The following PXDNL variants were observed in gnomAD, a reference collection of about 807,000 sequenced individuals.
PXDNL encodes the protein probable oxidoreductase PXDNL.
In PXDNL, 145 loss-of-function variants were observed where a neutral mutation model predicts 150.8. The ratio of observed to expected loss-of-function variants is 0.96; its 90% CI spans 0.84 to 1.10. PXDNL has a LOEUF of 1.10. Ranked by LOEUF, PXDNL falls within the 50% of genes least tolerant of loss-of-function variation. The probability of loss-of-function intolerance (pLI) is 0.00; values close to 1 mark genes in which losing one functional copy is unlikely to be tolerated. For synonymous variants in PXDNL, 757 were observed against 725.7 expected (o/e 1.04, Z -0.69); for missense variants, 2,087 against 1,873.9 (o/e 1.11, Z -2.10).
chr8:51,506,800 C>T (rs745926074), intron 4 of PXDNL, among the ~76,000 whole-genome samples: 7 of 152,114 alleles, frequency 4.6e-5, no homozygotes, highest in Non-Finnish European at 1.0e-4. Context: ...TAAGGATCAT[C>T]AATGTCTTCT....
At position 51,608,560 on chromosome 8, in the gene PXDNL, G is replaced by A. The variant is rs145766926; in HGVS notation, c.237-15862C>T. ...AGGTAAAGAGAAAGTATTGCAGGCCGGGCGCGGTGGCTCACGCCTGTAATC... is the reference window on the plus strand; with the variant it reads ...AGGTAAAGAGAAAGTATTGCAGGCCAGGCGCGGTGGCTCACGCCTGTAATC... On this transcript the variant is annotated intron_variant, in intron 2 of 22. Coordinates refer to ENST00000356297, the MANE Select transcript of PXDNL (RefSeq NM_144651.5). 8.8e-4 allele frequency among the ~76,000 whole-genome samples: 131 copies of A among 148,172 alleles called. 16 individuals are homozygous for A. The highest frequency in any genetic ancestry group is 3.2e-3 in the African/African-American group (124 of 38,732).
intron 6 of PXDNL, among the ~76,000 whole-genome samples, chr8:51,483,099 C>G (rs1288673246): frequency 5.9e-5 from 9 of 152,128 alleles, no homozygotes; most frequent in Non-Finnish European, 1.0e-4. Flanking sequence ...GAAGAGACAG[C>G]TGGAATGCAG....
chr8:51,499,869 ACTG>A, intron 4 of PXDNL, 99 bp from the exon 5 acceptor site: 2 of 777,596 alleles, frequency 2.6e-6, no homozygotes, highest in Non-Finnish European at 4.6e-6. Context: ...TATGAATTTC[ACTG>A]GCCCCAACCA....
chr8:51,401,795 T>C (rs1226133372), intron 17 of PXDNL, among the ~76,000 whole-genome samples: 1 of 152,214 alleles, frequency 6.6e-6, no homozygotes, highest in Non-Finnish European at 1.5e-5. Flanking sequence ...TCATAGATTC[T>C]ACTAGATTTG....
Position 51,666,821 on chromosome 8 carries a change from A to G in PXDNL, c.165-12061T>C, listed in dbSNP as rs189523699. 2.0e-5 allele frequency among the ~76,000 whole-genome samples: 3 copies of G among 151,982 alleles called. No individual in the cohort carries two copies. In the East Asian group the frequency reaches 5.8e-4, roughly 29 times the overall value. On this transcript the variant is annotated intron_variant, in intron 1 of 22. Transcript: ENST00000356297. Reference sequence around the variant, plus strand: ...CCCCTCTTGCATGCAGCTGTGGGGGATTTTTGTAGGAAAGCAAACTATGTT... The same window carrying G: ...CCCCTCTTGCATGCAGCTGTGGGGGGTTTTTGTAGGAAAGCAAACTATGTT...
chr8:51,345,802 G>T (rs754557711), intron 20 of PXDNL, 31 bp downstream of exon 20: 8 of 1,342,168 alleles, frequency 6.0e-6, no homozygotes, highest in African/African-American at 5.8e-5. Context: ...ATAGTAAGTT[G>T]CCTAAAGAAA....
intron 1 of PXDNL, among the ~76,000 whole-genome samples, chr8:51,660,035 G>T (rs28478150): frequency 6.6e-6 from 1 of 151,636 alleles, no homozygotes; most frequent in South Asian, 2.1e-4. Flanking sequence ...GATTGCAGGC[G>T]CCCACCACCA....
At position 51,567,560 on chromosome 8, in the gene PXDNL, C is replaced by G. The variant is rs1407568871; in HGVS notation, c.309-10649G>C. On this transcript the variant is annotated intron_variant, in intron 3 of 22. Transcript: ENST00000356297. ...CTTTTTGTTTTTGTCCTTAAGTCTGCTTTATCTGAAATTAATATAGCTATT... is the reference window on the plus strand; with the variant it reads ...CTTTTTGTTTTTGTCCTTAAGTCTGGTTTATCTGAAATTAATATAGCTATT... 2.0e-5 allele frequency among the ~76,000 whole-genome samples: 3 copies of G among 151,762 alleles called. No individual in the cohort carries two copies. The East Asian group carries it at 5.8e-4, about 29-fold the overall frequency.
At chr8:51,781,709 A>C (rs1442414796) in intron 1 of PXDNL, among the ~76,000 whole-genome samples, 1 of 152,198 alleles carries the variant, frequency 6.6e-6, no homozygotes, top group Non-Finnish European at 1.5e-5. Flanking sequence ...ACAGGGGAGA[A>C]ACAGGGTGGT....
At chr8:51,680,952 G>A (rs763417046) in intron 1 of PXDNL, among the ~76,000 whole-genome samples, 9 of 150,082 alleles carry the variant, frequency 6.0e-5, no homozygotes, top group Non-Finnish European at 8.9e-5. Flanking sequence ...GAAGACCAGG[G>A]TTTTGGGATT....
intron 12 of PXDNL, among the ~76,000 whole-genome samples, chr8:51,440,636 T>A (rs543840586): frequency 3.9e-5 from 6 of 152,174 alleles, no homozygotes; most frequent in Non-Finnish European, 7.3e-5. Context: ...AATATTTACC[T>A]TCTGCTTACA....
At chr8:51,733,346 T>C (rs1438587345) in intron 1 of PXDNL, among the ~76,000 whole-genome samples, 1 of 152,208 alleles carries the variant, frequency 6.6e-6, no homozygotes, top group Non-Finnish European at 1.5e-5. Flanking sequence ...GTGTTCTCAC[T>C]TGGTGGATTT....
chr8:51,499,383 G>A (rs1285081818), intron 5 of PXDNL, among the ~76,000 whole-genome samples: 15 of 152,046 alleles, frequency 9.9e-5, no homozygotes, highest in South Asian at 2.1e-4. Flanking sequence ...CGCCCACCTC[G>A]GCCTCCCAAA....
intron 5 of PXDNL, among the ~76,000 whole-genome samples, chr8:51,492,687 A>G (rs117713613): frequency 0.042 from 6,416 of 152,228 alleles, 295 homozygotes; most frequent in East Asian, 0.25. Flanking sequence ...TCTCATTGCT[A>G]GCACAGCAGT....
intron 5 of PXDNL, among the ~76,000 whole-genome samples, chr8:51,493,353 G>T (rs1194753673): frequency 6.6e-6 from 1 of 152,136 alleles, no homozygotes; most frequent in African/African-American, 2.4e-5. Flanking sequence ...CACAAAAACT[G>T]GAAACTCTAA....
In PXDNL at chr8:51,581,988, G is replaced by C. The variant is rs566680257; in HGVS notation, c.308+10639C>G. 3.8e-4 allele frequency among the ~76,000 whole-genome samples: 58 copies of C among 151,978 alleles called. 1 individual carries two copies. The South Asian group carries it at 4.2e-3, about 11-fold the overall frequency. On this transcript the variant is annotated intron_variant, in intron 3 of 22. Transcript: ENST00000356297. ...CATGGAACACATGGGAATATATTAG[G>C]ATTTTTTTAAAGCAGGCTACAAAAT...
At chr8:51,651,723 C>T (rs1254540232) in intron 2 of PXDNL, among the ~76,000 whole-genome samples, 2 of 152,126 alleles carry the variant, frequency 1.3e-5, no homozygotes, top group Non-Finnish European at 2.9e-5. Context: ...CTCCAGGGCT[C>T]AATCATCTTT....
chr8:51,372,637 G>A (rs368069383), intron 18 of PXDNL, among the ~76,000 whole-genome samples: 193 of 152,262 alleles, frequency 1.3e-3, no homozygotes, highest in African/African-American at 4.1e-3. Flanking sequence ...TGCCCACCTC[G>A]GCCTCCCAAA....
intron 12 of PXDNL, among the ~76,000 whole-genome samples, chr8:51,434,194 CT>C (rs560011058): frequency 1.9e-3 from 290 of 152,272 alleles, no homozygotes; most frequent in African/African-American, 5.3e-3. Context: ...TGTCGAAACA[CT>C]TTGAAGAATC....
Sources: allele counts gnomAD v4.1 joint callset (sites outside exome capture counted in the v4.1 genomes callset), GRCh38; gene constraint gnomAD v4.1.1; transcripts MANE v1.5; gene names NCBI Gene and HGNC (gene_info 2026-07-23, HGNC 2026-07-21).